Variants in ZNF385D observed in about 807,000 individuals in gnomAD.
ZNF385D encodes zinc finger protein 385D, also known as zinc finger protein 659.
ZNF385D carries 15 observed loss-of-function variants against 35.8 expected under a neutral mutation model. The ratio of observed to expected loss-of-function variants is 0.42; its 90% CI spans 0.28 to 0.64. The LOEUF is 0.64. ZNF385D is among the 30% of genes least tolerant of loss of function. The pLI, the probability that ZNF385D is intolerant of heterozygous loss-of-function variation, is 0.23. For synonymous variants in ZNF385D, 212 were observed against 186.8 expected (o/e 1.13, Z -1.10); for missense variants, 474 against 494.6 (o/e 0.96, Z 0.39).
At chr3:21,889,029 G>A (rs889016622) in intron 3 of ZNF385D, among the ~76,000 whole-genome samples, 3 of 152,218 alleles carry the variant, frequency 2.0e-5, no homozygotes, top group Non-Finnish European at 4.4e-5. Context: ...GACTGTGTGT[G>A]GGGAGTGCCC....
In ZNF385D at chr3:22,006,551, TAAA is replaced by T. The variant is rs376895737; in HGVS notation, c.325+162263_325+162265del. Among the ~76,000 whole-genome samples, 40 of 151,912 alleles carry T rather than the reference TAAA, an allele frequency of 2.6e-4. No individual in the cohort carries two copies. The South Asian group carries it at 8.3e-3, about 32-fold the overall frequency. ...GAAGAACAGGAAAAGATAGGAAAGA[TAAA>T]AAGTCGGATCACAGATGGAAAATGG... On this transcript the variant is annotated intron_variant, in intron 3 of 5. Transcript: ENST00000494108.
At chr3:22,181,697 CA>C (rs71620745) in intron 2 of ZNF385D, among the ~76,000 whole-genome samples, 30,679 of 83,696 alleles carry the variant, frequency 0.37, 2,585 homozygotes, top group Middle Eastern at 0.52. Context: ...GACTCCGTCT[CA>C]AAAAAAAAAA....
chr3:22,168,944 G>C, exon 3 of ZNF385D: 1 of 985,848 alleles, frequency 1.0e-6, no homozygotes, highest in South Asian at 4.7e-5. Context: ...ACAAAGTAAA[G>C]TTGGTATGTT....
At chr3:22,001,673 A>T (rs1042474349) in intron 3 of ZNF385D, among the ~76,000 whole-genome samples, 2 of 152,088 alleles carry the variant, frequency 1.3e-5, no homozygotes, top group African/African-American at 2.4e-5. Context: ...CAGAATACAC[A>T]TTCTTCTCAT....
intron 2 of ZNF385D, among the ~76,000 whole-genome samples, chr3:21,607,792 G>A (rs182775689): frequency 2.7e-4 from 41 of 152,250 alleles, no homozygotes; most frequent in Admixed American, 2.4e-3. Flanking sequence ...CCAGAGAGAA[G>A]CAGAGATGAG....
chr3:22,141,594 C>A (rs1480099497), intron 3 of ZNF385D, among the ~76,000 whole-genome samples: 1 of 152,096 alleles, frequency 6.6e-6, no homozygotes, highest in Non-Finnish European at 1.5e-5. Flanking sequence ...GTGGGACCCG[C>A]GGTAGTTCAC....
At chr3:21,954,228 A>T (rs1702187483) in intron 3 of ZNF385D, among the ~76,000 whole-genome samples, 1 of 151,894 alleles carries the variant, frequency 6.6e-6, no homozygotes. Context: ...TCTTATAACA[A>T]TGACAACTTC....
chr3:21,548,429 G>T (rs2062455302), intron 3 of ZNF385D, among the ~76,000 whole-genome samples: 1 of 152,246 alleles, frequency 6.6e-6, no homozygotes, highest in East Asian at 1.9e-4. Flanking sequence ...AAAACTTTTA[G>T]TTTGTTTAAT....
chr3:21,705,859 C>A lies in ZNF385D; in HGVS notation c.23-40831G>T, dbSNP rs537968696. Reference sequence around the variant, plus strand: ...GTCTGGACTGTCCCTTGCTTCCTGACCCTGCAGTACCCAGTAGCTCAATTC... The same window carrying A: ...GTCTGGACTGTCCCTTGCTTCCTGAACCTGCAGTACCCAGTAGCTCAATTC... On this transcript the variant is annotated intron_variant, in intron 1 of 7. Coordinates refer to ENST00000281523, the MANE Select transcript of ZNF385D (RefSeq NM_024697.3). 9.5e-4 allele frequency among the ~76,000 whole-genome samples: 145 copies of A among 152,144 alleles called. 1 individual carries two copies. Among genetic ancestry groups the A allele is most frequent in the Non-Finnish European group, 1.7e-3 (117 of 68,014 alleles).
intron 3 of ZNF385D, among the ~76,000 whole-genome samples, chr3:22,134,624 C>A (rs958971502): frequency 6.6e-6 from 1 of 152,080 alleles, no homozygotes; most frequent in South Asian, 2.1e-4. Flanking sequence ...ACAACTCTCC[C>A]TGTTTTAGTT....
At chr3:21,506,602 A>C (rs1271758696) in intron 4 of ZNF385D, among the ~76,000 whole-genome samples, 1 of 152,180 alleles carries the variant, frequency 6.6e-6, no homozygotes, top group Non-Finnish European at 1.5e-5. Flanking sequence ...AAATTTTGCC[A>C]TTAATTTTTC....
intron 2 of ZNF385D, among the ~76,000 whole-genome samples, chr3:22,236,036 T>A (rs146717127): frequency 6.6e-6 from 1 of 152,126 alleles, no homozygotes; most frequent in Non-Finnish European, 1.5e-5. Flanking sequence ...CAACATTGAT[T>A]GTAACAGCAA....
intron 3 of ZNF385D, among the ~76,000 whole-genome samples, chr3:21,811,046 T>C (rs1386642992): frequency 1.3e-5 from 2 of 151,482 alleles, no homozygotes; most frequent in Non-Finnish European, 1.5e-5. Flanking sequence ...TTAATGTCTT[T>C]AGCAACCAGG....
chr3:21,882,445 ATGC>A lies in ZNF385D; in HGVS notation c.326-217420_326-217418del, dbSNP rs1698329291. Among the ~76,000 whole-genome samples, 4 of 152,096 alleles carry A rather than the reference ATGC, an allele frequency of 2.6e-5. No homozygotes were observed. The South Asian group carries it at 6.2e-4, about 24-fold the overall frequency. ...ATAAAACATTGTTGTTTTATACATG[ATGC>A]TATTGCAAACTTAATAGACTATAGT... On this transcript the variant is annotated intron_variant, in intron 3 of 5. Coordinates refer to the ZNF385D transcript ENST00000494108.
chr3:22,234,484 ATTT>A (rs573538138), intron 2 of ZNF385D, among the ~76,000 whole-genome samples: 2 of 150,188 alleles, frequency 1.3e-5, no homozygotes, highest in African/African-American at 2.4e-5. Flanking sequence ...AATGCCCTAG[ATTT>A]TTTTTTTCGT....
At chr3:22,080,070 C>T (rs781407201) in intron 3 of ZNF385D, among the ~76,000 whole-genome samples, 3 of 152,078 alleles carry the variant, frequency 2.0e-5, no homozygotes, top group Non-Finnish European at 4.4e-5. Context: ...AATGAAGACA[C>T]AAAATGTTCA....
chr3:22,256,300 C>G (rs1340551709), intron 2 of ZNF385D, among the ~76,000 whole-genome samples: 1 of 150,800 alleles, frequency 6.6e-6, no homozygotes, highest in African/African-American at 2.4e-5. Context: ...ATACACTAAT[C>G]TATAAGGGTA....
intron 2 of ZNF385D, among the ~76,000 whole-genome samples, chr3:22,345,240 G>A (rs1449388622): frequency 6.6e-6 from 1 of 151,970 alleles, no homozygotes; most frequent in South Asian, 2.1e-4. Flanking sequence ...TCACTGTCCA[G>A]GTAACTCTAC....
chr3:22,094,385 G>GAGATATATAT (rs1491256865), intron 3 of ZNF385D, among the ~76,000 whole-genome samples: 60 of 70,828 alleles, frequency 8.5e-4, no homozygotes, highest in African/African-American at 2.2e-3. Context: ...ATTTATTGTT[G>GAGATATATAT]ATATATATAT....
Sources: gnomAD v4.1 joint callset for allele counts (sites outside exome capture counted in the v4.1 genomes callset) on GRCh38, gnomAD v4.1.1 for gene constraint, MANE v1.5 for transcripts, NCBI Gene and HGNC (gene_info 2026-07-23, HGNC 2026-07-21) for gene names.